The following C16orf89 variants were observed in gnomAD, a reference collection of about 807,000 sequenced individuals.
C16orf89 encodes chromosome 16 open reading frame 89.
In C16orf89, 57 loss-of-function variants were observed where a neutral mutation model predicts 41.5. The ratio of observed to expected loss-of-function variants is 1.38; its 90% CI spans 1.11 to 1.71. The LOEUF is 1.71. C16orf89 is among the 40% of genes most tolerant of loss of function. The pLI is 0.00. For missense variants in C16orf89, 575 were observed against 445.9 expected (o/e 1.29, Z -2.61); for synonymous variants, 223 against 190.6 (o/e 1.17, Z -1.40).
In C16orf89 at chr16:5,044,451, G is replaced by C; in HGVS notation, c.983C>G (p.Thr328Arg). The C allele has an allele frequency of 6.2e-7, 1 of 1,613,038 alleles. No individual in the cohort carries two copies. The highest frequency in any genetic ancestry group is 8.5e-7 in the Non-Finnish European group (1 of 1,179,574). The change falls in exon 8 of 8, where the codon ACA (threonine) becomes AGA (arginine). Residue 328 changes from threonine to arginine, a missense_variant. Physicochemically the swap from Thr to Arg is moderately conservative, Grantham distance 71. Transcript: ENST00000472572. ...PDGCSSHNTATAVAALGGFLY... is the reference protein window; with the variant it reads ...PDGCSSHNTARAVAALGGFLY... Reference sequence around the variant, plus strand: ...GAAGCCACCCAGGGCTGCCACTGCTGTGGCTGTGTTGTGGGAGGAGCAGCC... The same window carrying C: ...GAAGCCACCCAGGGCTGCCACTGCTCTGGCTGTGTTGTGGGAGGAGCAGCC...
chr16:5,046,043 G>C (rs555621380), intron 7 of C16orf89, among the ~76,000 whole-genome samples: 13 of 152,274 alleles, frequency 8.5e-5, no homozygotes, highest in African/African-American at 2.9e-4. Context: ...GCCATAGGCA[G>C]CCCCAGCCCC....
chr16:5,051,010 A>C (rs1408304066), intron 6 of C16orf89, among the ~76,000 whole-genome samples: 3 of 152,228 alleles, frequency 2.0e-5, no homozygotes, highest in Non-Finnish European at 4.4e-5. Flanking sequence ...ACATCCCTTC[A>C]TGATAAATCT....
chr16:5,059,651 T>C (rs1956576108), intron 3 of C16orf89, among the ~76,000 whole-genome samples: 1 of 152,028 alleles, frequency 6.6e-6, no homozygotes, highest in Admixed American at 6.6e-5. Flanking sequence ...CCTGGGGCCT[T>C]GTTCCAAGCC....
chr16:5,047,998 G>C (rs1164035190), intron 6 of C16orf89, 34 bp from the exon 7 acceptor site: 1 of 1,136,104 alleles, frequency 8.8e-7, no homozygotes, highest in South Asian at 1.3e-5. Flanking sequence ...CTTCTCAAGA[G>C]AGATTTTTAT....
chr16:5,063,185 G>T lies in C16orf89; in HGVS notation c.209-611C>A, dbSNP rs113592274. The stretch of plus-strand genomic sequence containing the variant: ...CATCCGAGTGAGAGCATTCACGCAG[G>T]GCTGAGAGGGCGAGGGATGAAGTGG... On this transcript the variant is annotated intron_variant, in intron 1 of 7. Coordinates refer to ENST00000472572, the MANE Select transcript of C16orf89 (RefSeq NM_001098514.3). 1.4e-3 allele frequency among the ~76,000 whole-genome samples: 208 copies of T among 152,282 alleles called. 1 individual carries two copies. Among genetic ancestry groups the T allele is most frequent in the African/African-American group, 4.9e-3 (202 of 41,558 alleles).
chr16:5,057,403 A>G (rs950644566), intron 4 of C16orf89, among the ~76,000 whole-genome samples: 2 of 148,182 alleles, frequency 1.3e-5, no homozygotes, highest in Non-Finnish European at 3.0e-5. Context: ...ATAGTGGTAT[A>G]TATATAGTGG....
chr16:5,055,842 T>C, intron 5 of C16orf89: 1 of 1,324,136 alleles, frequency 7.6e-7, no homozygotes, highest in Non-Finnish European at 1.0e-6. Flanking sequence ...CATGAAATAG[T>C]TGGGATAAAC....
chr16:5,055,681 A>G, intron 5 of C16orf89: 3 of 1,534,798 alleles, frequency 2.0e-6, no homozygotes, highest in Non-Finnish European at 2.6e-6. Context: ...TCTGTCTGCC[A>G]GTCACCTGGT....
At chr16:5,044,540 G>T in intron 7 of C16orf89, 62 bp from the exon 8 acceptor site, 1 of 1,602,728 alleles carries the variant, frequency 6.2e-7, no homozygotes, top group East Asian at 2.2e-5. Context: ...ATTCAACACA[G>T]TCTCATTGAA....
chr16:5,056,244 C>A lies in C16orf89; in HGVS notation c.628-56G>T. 2.0e-6 allele frequency: 3 copies of A among 1,502,350 alleles called. No individual in the cohort carries two copies. The South Asian group carries it at 3.6e-5, about 18-fold the overall frequency. The allele number at this position is 1,502,350 out of a possible 1,614,324, so 93.1% of individuals were successfully genotyped here. A position where few individuals can be genotyped will look rare whatever the true frequency, so the allele number is the denominator to read the frequency against. On this transcript the variant is annotated intron_variant, in intron 4 of 7. Coordinates refer to ENST00000472572, the MANE Select transcript of C16orf89 (RefSeq NM_001098514.3). Reference sequence around the variant, plus strand: ...GTCAGTGGTACAGATGACAGACACACGCCCTGCTATGGGAAAGTCTTGCAG... The same window carrying A: ...GTCAGTGGTACAGATGACAGACACAAGCCCTGCTATGGGAAAGTCTTGCAG...
At chr16:5,050,680 G>C (rs1956379500) in intron 6 of C16orf89, among the ~76,000 whole-genome samples, 1 of 152,064 alleles carries the variant, frequency 6.6e-6, no homozygotes, top group South Asian at 2.1e-4. Flanking sequence ...CAAGGACAAA[G>C]CAACAACAAA....
Position 5,055,656 on chromosome 16 carries a change from A to G in C16orf89, c.764-306T>C, listed in dbSNP as rs749539239. 28 of 1,523,986 alleles carry G rather than the reference A, an allele frequency of 1.8e-5. 1 individual carries two copies. The South Asian group carries it at 2.2e-4, about 12-fold the overall frequency. The allele number at this position is 1,523,986 out of a possible 1,614,324, so 94.4% of individuals were successfully genotyped here. On this transcript the variant is annotated intron_variant, in intron 5 of 7. Transcript: ENST00000472572. ...CAAGCGCTCCCTGTCTGCCTCATCC[A>G]TAAGGCTTTGTGGGTCTGTCTGCCA...
intron 7 of C16orf89, among the ~76,000 whole-genome samples, chr16:5,045,695 C>T (rs117992707): frequency 2.0e-5 from 3 of 152,310 alleles, no homozygotes; most frequent in Non-Finnish European, 4.4e-5. Context: ...GCCCATTTTA[C>T]AGATGAGGAA....
At chr16:5,058,643 G>A (rs778243581) in intron 3 of C16orf89, 33 bp from the exon 4 acceptor site, 1 of 1,546,034 alleles carries the variant, frequency 6.5e-7, no homozygotes, top group Admixed American at 1.7e-5. Flanking sequence ...TGTTAAGGAT[G>A]GAGCGCTGAC....
intron 6 of C16orf89, among the ~76,000 whole-genome samples, chr16:5,049,614 T>A (rs1956361389): frequency 6.6e-6 from 1 of 152,038 alleles, no homozygotes; most frequent in African/African-American, 2.4e-5. Flanking sequence ...AATGAGCAAA[T>A]GAAGAAATTA....
At chr16:5,062,392 C>A in intron 2 of C16orf89, 33 bp downstream of exon 2, 1 of 1,584,760 alleles carries the variant, frequency 6.3e-7, no homozygotes, top group Non-Finnish European at 8.6e-7. Context: ...AGGCGCTATT[C>A]CTGAGGGAAT....
downstream of C16orf89, chr16:5,042,933 C>G (rs542908029): frequency 2.6e-5 from 4 of 152,334 alleles, no homozygotes; most frequent in African/African-American, 9.6e-5. This position sits in a 1 kb window ranked among gnomAD's most constrained non-coding sequence, Gnocchi z 4.2. Flanking sequence ...CGGAGGAGCC[C>G]CCACTTAATG....
intron 7 of C16orf89, 137 bp downstream of exon 7, chr16:5,047,741 A>G: frequency 1.5e-6 from 1 of 665,076 alleles, no homozygotes; most frequent in Non-Finnish European, 2.7e-6. Flanking sequence ...CCACCTCTCA[A>G]CATGAAGGCC....
chr16:5,055,398 C>G, intron 5 of C16orf89, 48 bp from the exon 6 acceptor site: 1 of 1,472,764 alleles, frequency 6.8e-7, no homozygotes, highest in South Asian at 1.2e-5. Context: ...CCCAGGCCCA[C>G]CTCCTCCCAC....
Sources: gnomAD v4.1 joint callset for allele counts (sites outside exome capture counted in the v4.1 genomes callset) on GRCh38, gnomAD v4.1.1 for gene constraint, Gnocchi (gnomAD v3.1) non-coding constraint, MANE v1.5 for transcripts, NCBI Gene and HGNC (gene_info 2026-07-23, HGNC 2026-07-21) for gene names.